The following AKAP13 variants were observed in gnomAD, a reference collection of about 807,000 sequenced individuals.
The protein encoded by AKAP13 is A-kinase anchor protein 13.
AKAP13 carries 80 observed loss-of-function variants against 264.5 expected under a neutral mutation model. The observed-to-expected ratio is 0.30, with a 90% CI of 0.25 to 0.36. The LOEUF (loss-of-function observed/expected upper bound fraction) is 0.36. AKAP13 is among the 10% of genes least tolerant of loss of function. The probability of loss-of-function intolerance (pLI) is 1.00; values close to 1 mark genes in which losing one functional copy is unlikely to be tolerated. For missense variants in AKAP13, 3,712 were observed against 3,435.2 expected (o/e 1.08, Z -2.01); for synonymous variants, 1,380 against 1,250.2 (o/e 1.10, Z -2.19).
At chr15:85,699,168 G>A (rs1424334610) in intron 17 of AKAP13, among the ~76,000 whole-genome samples, 1 of 151,988 alleles carries the variant, frequency 6.6e-6, no homozygotes, top group African/African-American at 2.4e-5. Flanking sequence ...AATATGCCAG[G>A]GATGGTGGCT....
At chr15:85,421,574 T>A (rs1160569865) in intron 1 of AKAP13, among the ~76,000 whole-genome samples, 2 of 152,282 alleles carry the variant, frequency 1.3e-5, no homozygotes, top group African/African-American at 4.8e-5. Flanking sequence ...TGGGTTTGTG[T>A]GTGCGCGTGT....
At chr15:85,446,869 G>A (rs1342150440) in intron 1 of AKAP13, among the ~76,000 whole-genome samples, 1 of 152,178 alleles carries the variant, frequency 6.6e-6, no homozygotes, top group African/African-American at 2.4e-5. Context: ...CTTAAAGGCA[G>A]CATAAATATC....
intron 8 of AKAP13, among the ~76,000 whole-genome samples, chr15:85,598,755 AATT>A (rs1181189977): frequency 6.6e-6 from 1 of 152,090 alleles, no homozygotes; most frequent in Non-Finnish European, 1.5e-5. Flanking sequence ...TCAGAGAAGG[AATT>A]TTCCATTGTT....
chr15:85,664,803 A>G (rs112824861), intron 13 of AKAP13, 48 bp downstream of exon 13: 9 of 1,559,060 alleles, frequency 5.8e-6, no homozygotes, highest in Non-Finnish European at 7.9e-6. Context: ...TTCACAAAAT[A>G]TGAACATAGA....
At chr15:85,589,566 G>T (rs2079502406) in intron 8 of AKAP13, among the ~76,000 whole-genome samples, 1 of 150,754 alleles carries the variant, frequency 6.6e-6, no homozygotes, top group Non-Finnish European at 1.5e-5. Flanking sequence ...GACCAGCCTG[G>T]CTAACATGGG....
At position 85,652,690 on chromosome 15, in the gene AKAP13, G is replaced by T. The variant is rs377116521; in HGVS notation, c.4375-2727G>T. 1.9e-4 allele frequency among the ~76,000 whole-genome samples: 29 copies of T among 152,298 alleles called. No individual in the cohort carries two copies. In the East Asian group the frequency reaches 5.0e-3, roughly 26 times the overall value. On this transcript the variant is annotated intron_variant, in intron 10 of 36. Transcript: ENST00000394518. Reference sequence around the variant, plus strand: ...CTGGAGGCTGGAGATCCTAATCACCGTGTCAGTGGGGCTGCTTTCCTTCTG... The same window carrying T: ...CTGGAGGCTGGAGATCCTAATCACCTTGTCAGTGGGGCTGCTTTCCTTCTG...
chr15:85,527,914 C>A (rs2077129275), intron 3 of AKAP13, among the ~76,000 whole-genome samples: 1 of 152,130 alleles, frequency 6.6e-6, no homozygotes, highest in Non-Finnish European at 1.5e-5. Flanking sequence ...TTTATATTTT[C>A]CATCATTTTT....
At chr15:85,415,386 A>G (rs756695557) in intron 1 of AKAP13, 158 of 1,604,654 alleles carry the variant, frequency 9.8e-5, no homozygotes, top group Non-Finnish European at 1.3e-4. Context: ...AAACCTCACC[A>G]TAAAAACCGA....
chr15:85,656,171 GAAAC>G (rs1567178243), intron 11 of AKAP13, among the ~76,000 whole-genome samples: 1 of 152,192 alleles, frequency 6.6e-6, no homozygotes, highest in Non-Finnish European at 1.5e-5. Context: ...TTTGAATTAA[GAAAC>G]AAACATGAAG....
At chr15:85,589,198 T>G (rs1025720919) in intron 8 of AKAP13, among the ~76,000 whole-genome samples, 41 of 152,206 alleles carry the variant, frequency 2.7e-4, no homozygotes, top group African/African-American at 9.6e-4. Flanking sequence ...TTCATATAGG[T>G]TTTCACTGGA....
intron 5 of AKAP13, among the ~76,000 whole-genome samples, chr15:85,547,978 C>G (rs2077816139): frequency 6.6e-6 from 1 of 152,118 alleles, no homozygotes; most frequent in African/African-American, 2.4e-5. Context: ...AGTTTGCAGG[C>G]TCTTGGTGTC....
intron 8 of AKAP13, among the ~76,000 whole-genome samples, chr15:85,591,620 T>C (rs542963459): frequency 1.3e-3 from 199 of 151,834 alleles, no homozygotes; most frequent in African/African-American, 4.6e-3. Context: ...GGAGATGACA[T>C]TGAATACTTA....
intron 1 of AKAP13, among the ~76,000 whole-genome samples, chr15:85,481,499 G>A (rs1303749529): frequency 2.0e-5 from 3 of 152,150 alleles, no homozygotes; most frequent in Non-Finnish European, 4.4e-5. Context: ...GACATAAAGT[G>A]AATGTGTCTC....
chr15:85,668,620 A>G (rs2083734672), intron 13 of AKAP13, among the ~76,000 whole-genome samples: 1 of 152,182 alleles, frequency 6.6e-6, no homozygotes, highest in Admixed American at 6.5e-5. Flanking sequence ...ATCTTAAGAC[A>G]CTTTACTTGA....
At chr15:85,562,770 A>C (rs1403362275) in intron 5 of AKAP13, among the ~76,000 whole-genome samples, 1 of 129,136 alleles carries the variant, frequency 7.7e-6, no homozygotes, top group Admixed American at 8.6e-5. Context: ...ACCTCGGCTC[A>C]CTCCAACCTC....
intron 1 of AKAP13, among the ~76,000 whole-genome samples, chr15:85,411,362 C>T (rs1020109396): frequency 3.9e-5 from 6 of 152,104 alleles, no homozygotes; most frequent in African/African-American, 9.7e-5. Flanking sequence ...GGGAAATATG[C>T]GCAAAGGAGT....
intron 1 of AKAP13, among the ~76,000 whole-genome samples, chr15:85,388,474 A>G (rs946589674): frequency 2.7e-4 from 41 of 152,188 alleles, no homozygotes; most frequent in Non-Finnish European, 5.4e-4. Context: ...TTGACCATTA[A>G]TATGATGGTA....
Position 85,718,260 on chromosome 15 carries a change from G to A in AKAP13, c.6001+101G>A. On this transcript the variant is annotated intron_variant, in intron 22 of 36. Transcript: ENST00000394518. This position sits in a 1 kb window ranked among gnomAD's most constrained non-coding sequence, Gnocchi z 4.9. The stretch of plus-strand genomic sequence containing the variant: ...ATGAAAAATCAGTTTTTTAGTATGT[G>A]GCTTCTTGAAAAGATTTCCTTTAAA... 1 of 1,391,746 alleles carries A rather than the reference G, an allele frequency of 7.2e-7. No individual in the cohort carries two copies. The highest frequency in any genetic ancestry group is 9.8e-7 in the Non-Finnish European group (1 of 1,017,142). The allele number at this position is 1,391,746 out of a possible 1,614,324, so 86.2% of individuals were successfully genotyped here.
At chr15:85,657,584 A>G (rs1446730507) in intron 11 of AKAP13, among the ~76,000 whole-genome samples, 1 of 152,072 alleles carries the variant, frequency 6.6e-6, no homozygotes, top group Non-Finnish European at 1.5e-5. Context: ...ATATTATTCT[A>G]TGGTGGCATG....
Sources: allele counts gnomAD v4.1 joint callset (sites outside exome capture counted in the v4.1 genomes callset), GRCh38; gene constraint gnomAD v4.1.1; non-coding constraint Gnocchi (gnomAD v3.1); transcripts MANE v1.5; gene names NCBI Gene and HGNC (gene_info 2026-07-23, HGNC 2026-07-21).